Variants in B3GALNT1 observed in about 807,000 individuals in gnomAD.
B3GALNT1 encodes beta-1,3-N-acetylgalactosaminyltransferase 1 (Globoside blood group), also known as UDP-GalNAc:beta-1,3-N-acetylgalactosaminyltransferase 1.
A neutral mutation model predicts 27.3 loss-of-function variants in B3GALNT1; 17 were observed. The observed-to-expected ratio is 0.62, with a 90% confidence interval of 0.43 to 0.94. The LOEUF is 0.94. Among genes scored for constraint, B3GALNT1 ranks in the 40% least tolerant of loss-of-function variants. B3GALNT1 has a pLI of 0.00. For missense variants in B3GALNT1, 347 were observed against 390.0 expected (o/e 0.89, Z 0.93); for synonymous variants, 141 against 144.0 (o/e 0.98, Z 0.15).
chr3:161,086,904 C>A, intron 4 of B3GALNT1, 116 bp from the exon 5 acceptor site: 2 of 1,126,652 alleles, frequency 1.8e-6, no homozygotes, highest in Non-Finnish European at 2.6e-6. Flanking sequence ...CAGAGTAAAA[C>A]AAAAAATCCT....
Position 161,085,682 on chromosome 3 carries a change from A to G in B3GALNT1, c.*77T>C. ...AGCCAGCACACTGACCTCCCCATGA[A>G]TTTTCCACAGTACCTACTTTATTTA... On this transcript the variant is annotated 3_prime_UTR_variant, in exon 5 of 5. Transcript: ENST00000320474. 1.3e-6 allele frequency: 2 copies of G among 1,551,356 alleles called. No individual in the cohort carries two copies. Among genetic ancestry groups the G allele is most frequent in the African/African-American group, 2.7e-5 (2 of 73,586 alleles).
rs182179877 is a variant in B3GALNT1, at chr3:161,087,938, A to C, written c.-34-1150T>G. Among the ~76,000 whole-genome samples the C allele has an allele frequency of 5.3e-4, 80 of 152,326 alleles. 1 individual carries two copies. Among genetic ancestry groups the C allele is most frequent in the Non-Finnish European group, 1.1e-3 (72 of 68,024 alleles). On this transcript the variant is annotated intron_variant, in intron 4 of 4. Transcript: ENST00000320474. ...TACACACTGTTTACATCAAATGCTA[A>C]GGAACTTTAGCATAAGGGACAGATG...
In B3GALNT1 at chr3:161,086,631, T is replaced by C. The variant is rs748857360; in HGVS notation, c.124A>G (p.Asn42Asp). 14 of 1,614,042 alleles carry C rather than the reference T, an allele frequency of 8.7e-6. No individual in the cohort carries two copies. The Admixed American group carries it at 1.2e-4, about 13-fold the overall frequency. The change falls in exon 5 of 5, where the codon AAT (asparagine) becomes GAT (aspartate). Residue 42 changes from asparagine (N) to aspartate (D), a missense_variant. Asn to Asp is a conservative substitution (Grantham distance 23, BLOSUM62 1). Transcript: ENST00000320474. Reference sequence around the variant, plus strand: ...ATCCAGTTCACGCGTTCTATCACATTGTAGTGGGGAAGGCTGAGGTACCAC... The same window carrying C: ...ATCCAGTTCACGCGTTCTATCACATCGTAGTGGGGAAGGCTGAGGTACCAC... ...VMWYLSLPHYNVIERVNWMYF... is the reference protein window; with the variant it reads ...VMWYLSLPHYDVIERVNWMYF...
intron 3 of B3GALNT1, among the ~76,000 whole-genome samples, chr3:161,102,463 T>C (rs1731868038): frequency 6.6e-6 from 1 of 152,162 alleles, no homozygotes; most frequent in Non-Finnish European, 1.5e-5. Flanking sequence ...CCCTACAAAC[T>C]GCCGTATTTC....
intron 4 of B3GALNT1, among the ~76,000 whole-genome samples, chr3:161,098,817 C>G (rs1010094606): frequency 1.3e-5 from 2 of 152,152 alleles, no homozygotes; most frequent in East Asian, 3.9e-4. Context: ...ACTTATGACA[C>G]AAACACAATG....
chr3:161,100,372 T>G, intron 4 of B3GALNT1, among the ~76,000 whole-genome samples: 1 of 152,208 alleles, frequency 6.6e-6, no homozygotes, highest in East Asian at 1.9e-4. Flanking sequence ...CCTATACTCA[T>G]TACCATTTCC....
At chr3:161,100,228 A>C (rs1297590922) in intron 4 of B3GALNT1, among the ~76,000 whole-genome samples, 15 of 152,198 alleles carry the variant, frequency 9.9e-5, no homozygotes, top group Non-Finnish European at 7.4e-5. Flanking sequence ...AAAAGGTTTC[A>C]TTTTGGCATA....
chr3:161,098,001 G>A (rs1729111327), intron 4 of B3GALNT1, among the ~76,000 whole-genome samples: 1 of 152,080 alleles, frequency 6.6e-6, no homozygotes, highest in African/African-American at 2.4e-5. Context: ...CTCTGTCAGG[G>A]TAAATAGGCT....
At chr3:161,101,745 T>A (rs1053815225) in intron 3 of B3GALNT1, among the ~76,000 whole-genome samples, 1 of 152,200 alleles carries the variant, frequency 6.6e-6, no homozygotes, top group African/African-American at 2.4e-5. Flanking sequence ...AATAGAGGCA[T>A]AAATTTAGAG....
chr3:161,086,040 T>A lies in B3GALNT1; in HGVS notation c.715A>T (p.Ser239Cys), dbSNP rs1193541372. 1.9e-6 allele frequency: 3 copies of A among 1,590,744 alleles called. No individual in the cohort carries two copies. Among genetic ancestry groups the A allele is most frequent in the African/African-American group, 1.4e-5 (1 of 73,860 alleles). ...CTGGACATTATATAACCCAACCCAC[T>A]GCAGTATGGAGGGAACACCTTGAAA... Reference protein sequence around the residue: ...YPFKVFPPYCSGLGYIMSRDL... With the variant: ...YPFKVFPPYCCGLGYIMSRDL... Residue 239 changes from serine to cysteine, a missense_variant, in exon 5 of 5, where the codon AGT (serine) becomes TGT (cysteine). Physicochemically the swap from Ser to Cys is moderately radical, Grantham distance 112. Coordinates refer to ENST00000320474, the MANE Select transcript of B3GALNT1 (RefSeq NM_003781.4).
intron 4 of B3GALNT1, among the ~76,000 whole-genome samples, chr3:161,099,886 C>T (rs1730275740): frequency 6.6e-6 from 1 of 152,050 alleles, no homozygotes; most frequent in Admixed American, 6.5e-5. Context: ...CAAAGGGGGT[C>T]ATAATTCCAT....
intron 3 of B3GALNT1, 45 bp from the exon 4 acceptor site, chr3:161,101,278 G>C: frequency 8.5e-7 from 1 of 1,181,126 alleles, no homozygotes; most frequent in Non-Finnish European, 1.1e-6. Context: ...ACAGCAGCAA[G>C]ACTGCCCTGA....
chr3:161,085,602 A>T lies in B3GALNT1; in HGVS notation c.*157T>A. The T allele has an allele frequency of 1.4e-6, 1 of 724,842 alleles. No individual in the cohort carries two copies. The highest frequency in any genetic ancestry group is 1.7e-5 in the South Asian group (1 of 59,352). The allele number at this position is 724,842 out of a possible 1,614,324, so 44.9% of individuals were successfully genotyped here. The stretch of plus-strand genomic sequence containing the variant: ...TTGAAGGGCCTGACTAATAAATCAC[A>T]AGTGTAACCCTCCAGTCTCCAGTCT... On this transcript the variant is annotated 3_prime_UTR_variant, in exon 5 of 5. Coordinates refer to ENST00000320474, the MANE Select transcript of B3GALNT1 (RefSeq NM_003781.4).
intron 4 of B3GALNT1, among the ~76,000 whole-genome samples, chr3:161,088,294 C>T (rs768156971): frequency 1.3e-5 from 2 of 152,162 alleles, no homozygotes; most frequent in African/African-American, 2.4e-5. Context: ...ACCCACACAA[C>T]GCAATGTAAT....
chr3:161,086,699 T>C lies in B3GALNT1; in HGVS notation c.56A>G (p.Lys19Arg). Residue 19 changes from lysine (K) to arginine (R), a missense_variant, in exon 5 of 5, where the codon AAA becomes AGA. Transcript: ENST00000320474. ...LPSRMSLRSL[K>R]WSLLLLSLLS... is the part of the protein sequence containing the mutation. ...GAGTGACAGCAGCAGGAGGCTCCAT[T>C]TGAGGGATCTCAGTGACATCCTACT... The C allele has an allele frequency of 6.2e-7, 1 of 1,614,152 alleles. No homozygotes were observed. The highest frequency in any genetic ancestry group is 8.5e-7 in the Non-Finnish European group (1 of 1,180,032).
intron 4 of B3GALNT1, among the ~76,000 whole-genome samples, chr3:161,088,348 T>C (rs938098341): frequency 9.2e-5 from 14 of 152,240 alleles, no homozygotes; most frequent in Admixed American, 7.9e-4. Flanking sequence ...TATATGTGTC[T>C]TGCCTCTCCA....
chr3:161,099,589 A>C (rs1472175072), intron 4 of B3GALNT1, among the ~76,000 whole-genome samples: 4 of 152,186 alleles, frequency 2.6e-5, no homozygotes, highest in African/African-American at 9.6e-5. Flanking sequence ...ATTGAATTTG[A>C]GGAGTTATTT....
chr3:161,092,032 ACCATTCTAAC>A (rs1725387957), intron 4 of B3GALNT1, among the ~76,000 whole-genome samples: 1 of 152,232 alleles, frequency 6.6e-6, no homozygotes, highest in Non-Finnish European at 1.5e-5. Flanking sequence ...TCAGGGTGTC[ACCATTCTAAC>A]CCAATAATTA....
In B3GALNT1 at chr3:161,086,246, C is replaced by A; in HGVS notation, c.509G>T (p.Cys170Phe). The A allele has an allele frequency of 6.2e-7, 1 of 1,614,074 alleles. No individual in the cohort carries two copies. The highest frequency in any genetic ancestry group is 8.5e-7 in the Non-Finnish European group (1 of 1,180,018). ...CTTCATTACGTACTTGGCATTGGGG[C>A]AAAACTCAGTTACCCACCTGAATGC... is the stretch of plus-strand genomic sequence containing the variant. ...IMAFRWVTEF[C>F]PNAKYVMKTD... The change falls in exon 5 of 5, where the codon TGC (cysteine) becomes TTC (phenylalanine). Residue 170 changes from cysteine (C) to phenylalanine (F), a missense_variant. Physicochemically the swap from Cys to Phe is radical, Grantham distance 205. Transcript: ENST00000320474.
Sources: allele counts gnomAD v4.1 joint callset (sites outside exome capture counted in the v4.1 genomes callset), GRCh38; gene constraint gnomAD v4.1.1; transcripts MANE v1.5; gene names NCBI Gene and HGNC (gene_info 2026-07-23, HGNC 2026-07-21).